The following JAK2 variants were observed in gnomAD, a reference collection of about 807,000 sequenced individuals.
JAK2 encodes the protein tyrosine-protein kinase JAK2.
JAK2 carries 86 observed loss-of-function variants against 139.3 expected under a neutral mutation model. The observed-to-expected ratio is 0.62, with a 90% CI of 0.52 to 0.74. The LOEUF (loss-of-function observed/expected upper bound fraction) is 0.74. Ranked by LOEUF, JAK2 falls within the 30% of genes least tolerant of loss-of-function variation. The pLI is 0.00. For synonymous variants in JAK2, 490 were observed against 437.7 expected, an observed-to-expected ratio of 1.12 and a Z score of -1.49; for missense variants, 1,421 against 1,360.3, an observed-to-expected ratio of 1.04 and a Z score of -0.70.
At chr9:5,085,050 G>A (rs1819972333) in intron 19 of JAK2, 2 of 764,620 alleles carry the variant, frequency 2.6e-6, no homozygotes, top group South Asian at 1.3e-5. Flanking sequence ...GTCTCTTTCT[G>A]GGGATGAGAA....
rs1586824152 is a variant in JAK2, at chr9:5,113,790, G to A, written c.3060-9214G>A. 3 of 165,044 alleles carry A rather than the reference G, an allele frequency of 1.8e-5. No homozygotes were observed. In the East Asian group the frequency reaches 5.5e-4, roughly 30 times the overall value. The allele number at this position is 165,044 out of a possible 1,614,324, so 10.2% of individuals were successfully genotyped here. On this transcript the variant is annotated intron_variant, in intron 22 of 24. Transcript: ENST00000381652. ...ACTGCCTCGGGTGCGTGGGCCAAAC[G>A]CTCACCTGCAGCGTGGCACACACTC...
chr9:5,112,909 G>A (rs1033542960), intron 22 of JAK2: 4 of 289,414 alleles, frequency 1.4e-5, no homozygotes, highest in Admixed American at 1.1e-4. Flanking sequence ...GGCCCAGAAC[G>A]CCCACTTGAG....
At chr9:5,068,230 T>G (rs934158422) in intron 10 of JAK2, among the ~76,000 whole-genome samples, 1 of 151,614 alleles carries the variant, frequency 6.6e-6, no homozygotes, top group African/African-American at 2.4e-5. Context: ...TGATTGACCT[T>G]GAGGTATTGG....
chr9:5,009,008 A>C (rs1045344484), intron 2 of JAK2, among the ~76,000 whole-genome samples: 1 of 152,050 alleles, frequency 6.6e-6, no homozygotes, highest in Non-Finnish European at 1.5e-5. Context: ...GTATTATTCA[A>C]CTCTTTCACT....
chr9:5,086,881 T>C (rs1423570740), intron 19 of JAK2, among the ~76,000 whole-genome samples: 1 of 152,212 alleles, frequency 6.6e-6, no homozygotes, highest in Non-Finnish European at 1.5e-5. Context: ...CGCGTTTAAA[T>C]GTTCATATCT....
chr9:5,034,003 G>A (rs527527577), intron 4 of JAK2, among the ~76,000 whole-genome samples: 4 of 152,184 alleles, frequency 2.6e-5, no homozygotes, highest in East Asian at 1.9e-4. Context: ...CCCATCTCAC[G>A]TGCAGAGACA....
chr9:5,062,500 TAAAAAAAAAA>T (rs58424625), intron 8 of JAK2, among the ~76,000 whole-genome samples: 5 of 58,248 alleles, frequency 8.6e-5, no homozygotes, highest in African/African-American at 2.1e-4. Context: ...CTTCCATTTG[TAAAAAAAAAA>T]AAAAAAAAAA....
chr9:4,996,928 CTTTTTTT>C (rs1166992356), intron 2 of JAK2, among the ~76,000 whole-genome samples: 2 of 94,708 alleles, frequency 2.1e-5, no homozygotes, highest in Non-Finnish European at 4.1e-5. Flanking sequence ...TTAGTTTGTT[CTTTTTTT>C]TTTTTTTTTT....
chr9:5,116,926 T>C (rs1233552053), intron 22 of JAK2, among the ~76,000 whole-genome samples: 1 of 152,226 alleles, frequency 6.6e-6, no homozygotes, highest in African/African-American at 2.4e-5. Context: ...GTACAAATAA[T>C]TCAGCTGAAG....
chr9:5,029,922 A>G lies in JAK2; in HGVS notation c.350+16A>G, dbSNP rs1364415265. On this transcript the variant is annotated intron_variant, in intron 4 of 24. Transcript: ENST00000381652. Reference sequence around the variant, plus strand: ...ACAGAATAAGGTACTTTCTTCAGTAAAGTAACTCACTTAATGCTAAAAGGC... The same window carrying G: ...ACAGAATAAGGTACTTTCTTCAGTAGAGTAACTCACTTAATGCTAAAAGGC... The G allele has an allele frequency of 5.1e-6, 8 of 1,572,202 alleles. No individual in the cohort carries two copies. Among genetic ancestry groups the G allele is most frequent in the South Asian group, 1.2e-5 (1 of 82,978 alleles).
chr9:5,110,991 G>A (rs2130796281), intron 22 of JAK2: 6 of 659,926 alleles, frequency 9.1e-6, no homozygotes, highest in East Asian at 7.3e-5. Context: ...TGATGTTCCC[G>A]CTGCCCGTTG....
At chr9:5,037,807 GTAAC>G (rs1252852962) in intron 4 of JAK2, among the ~76,000 whole-genome samples, 1 of 152,104 alleles carries the variant, frequency 6.6e-6, no homozygotes, top group Non-Finnish European at 1.5e-5. Flanking sequence ...GTATACATAT[GTAAC>G]TAACCTGCAT....
chr9:5,117,051 C>T (rs2130829389), intron 22 of JAK2, among the ~76,000 whole-genome samples: 2 of 152,292 alleles, frequency 1.3e-5, no homozygotes, highest in Middle Eastern at 6.8e-3. Context: ...CTCCTCTTGC[C>T]TTTCCACTTT....
intron 22 of JAK2, chr9:5,100,680 C>G (rs1427521211): frequency 2.0e-5 from 3 of 152,218 alleles, no homozygotes; most frequent in Non-Finnish European, 4.4e-5. Context: ...TTCGGCTCAT[C>G]ACAGCCTGAT....
chr9:5,098,096 A>C (rs1821164351), intron 22 of JAK2: 2 of 152,210 alleles, frequency 1.3e-5, no homozygotes, highest in South Asian at 4.1e-4. Context: ...TGTTTCGAAA[A>C]GAAAAACTAT....
chr9:4,984,805 A>C (rs947243982), upstream of JAK2: 2 of 152,142 alleles, frequency 1.3e-5, no homozygotes, highest in East Asian at 1.9e-4. Context: ...GGCGGCGGCC[A>C]CACACACACC....
intron 4 of JAK2, chr9:5,041,543 C>T (rs1036279588): frequency 7.5e-6 from 4 of 535,200 alleles, no homozygotes; most frequent in African/African-American, 3.8e-5. Context: ...TCTGCGAGAA[C>T]TTCCCAGAGG....
intron 8 of JAK2, among the ~76,000 whole-genome samples, chr9:5,056,773 G>A (rs1817796357): frequency 6.6e-6 from 1 of 152,098 alleles, no homozygotes; most frequent in South Asian, 2.1e-4. Flanking sequence ...AGAGTTTATT[G>A]ATCTTAATGT....
chr9:5,115,078 T>C lies in JAK2; in HGVS notation c.3060-7926T>C, dbSNP rs150742825. On this transcript the variant is annotated intron_variant, in intron 22 of 24. Coordinates refer to ENST00000381652, the MANE Select transcript of JAK2 (RefSeq NM_004972.4). ...GCCAAAATAGACAGATGGGATCTAA[T>C]TAAACTAAACAGCTGCATAGCAAAA... 9.9e-5 allele frequency among the ~76,000 whole-genome samples: 15 copies of C among 152,270 alleles called. No individual in the cohort carries two copies. The East Asian group carries it at 2.9e-3, about 29-fold the overall frequency.
Sources: allele counts gnomAD v4.1 joint callset (sites outside exome capture counted in the v4.1 genomes callset), GRCh38; gene constraint gnomAD v4.1.1; transcripts MANE v1.5; gene names NCBI Gene and HGNC (gene_info 2026-07-23, HGNC 2026-07-21).